TFDP2: variants seen among roughly 807,000 people sequenced by gnomAD.
The protein encoded by TFDP2 is transcription factor Dp-2, also known as transcription factor Dp-2 (E2F dimerization partner 2).
Under a neutral mutation model 59.3 loss-of-function variants are expected in TFDP2, and 17 were observed. That is an observed-to-expected ratio of 0.29 (90% CI 0.20 to 0.43). The LOEUF is 0.43. Ranked by LOEUF, TFDP2 falls within the 20% of genes least tolerant of loss-of-function variation. The pLI is 1.00. For missense variants in TFDP2, 391 were observed against 528.8 expected (o/e 0.74, Z 2.56); for synonymous variants, 180 against 194.7 (o/e 0.92, Z 0.63).
At chr3:142,048,418 A>G (rs1040125143) in intron 3 of TFDP2, among the ~76,000 whole-genome samples, 31 of 139,960 alleles carry the variant, frequency 2.2e-4, no homozygotes, top group African/African-American at 5.0e-4. Flanking sequence ...GTCTTAAGGG[A>G]AAAAAAAAAA....
intron 1 of TFDP2, among the ~76,000 whole-genome samples, chr3:142,104,983 T>C (rs2061429307): frequency 6.6e-6 from 1 of 152,168 alleles, no homozygotes; most frequent in Non-Finnish European, 1.5e-5. Flanking sequence ...CTTAGTTGTG[T>C]GATCCTGAAC....
chr3:142,007,357 C>T lies in TFDP2; in HGVS notation c.83-1813G>A, dbSNP rs192946157. Among the ~76,000 whole-genome samples the T allele has an allele frequency of 3.3e-5, 5 of 152,248 alleles. No homozygotes were observed. In the East Asian group the frequency reaches 9.7e-4, roughly 29 times the overall value. Reference sequence around the variant, plus strand: ...AGCCCTCTTATACGATCATCGAATCCACCCAGTGATCTAATCTAGAAATGA... The same window carrying T: ...AGCCCTCTTATACGATCATCGAATCTACCCAGTGATCTAATCTAGAAATGA... On this transcript the variant is annotated intron_variant, in intron 3 of 12. Coordinates refer to ENST00000489671, the MANE Select transcript of TFDP2 (RefSeq NM_001178139.2).
intron 11 of TFDP2, among the ~76,000 whole-genome samples, chr3:141,957,679 T>G (rs1246762524): frequency 6.6e-6 from 1 of 152,160 alleles, no homozygotes; most frequent in African/African-American, 2.4e-5. Context: ...GAACGAACCT[T>G]GAAACACTAC....
intron 3 of TFDP2, among the ~76,000 whole-genome samples, chr3:142,072,791 AT>A (rs538862176): frequency 7.2e-4 from 110 of 152,328 alleles, no homozygotes; most frequent in African/African-American, 2.6e-3. Context: ...GTCCATACTA[AT>A]CTAAATAAAT....
intron 1 of TFDP2, among the ~76,000 whole-genome samples, chr3:142,107,550 G>A (rs1171703529): frequency 6.6e-6 from 1 of 152,070 alleles, no homozygotes; most frequent in African/African-American, 2.4e-5. Flanking sequence ...TATTTTCATA[G>A]AAAGGGATAA....
chr3:142,012,521 G>T (rs1170100592), intron 3 of TFDP2, among the ~76,000 whole-genome samples: 1 of 152,122 alleles, frequency 6.6e-6, no homozygotes, highest in Non-Finnish European at 1.5e-5. Flanking sequence ...GTGGAGAAAA[G>T]CAAAGACCTA....
chr3:142,112,527 G>A (rs766258703), intron 1 of TFDP2, among the ~76,000 whole-genome samples: 8 of 152,178 alleles, frequency 5.3e-5, no homozygotes, highest in Non-Finnish European at 1.2e-4. Flanking sequence ...GCAGAAAGAC[G>A]TGGTAATAGG....
At chr3:142,097,601 C>G (rs2061200331) in intron 2 of TFDP2, among the ~76,000 whole-genome samples, 4 of 152,102 alleles carry the variant, frequency 2.6e-5, no homozygotes, top group Admixed American at 2.6e-4. Flanking sequence ...GGGAGCATCG[C>G]TTGAGCCCAG....
chr3:142,063,300 CT>C, intron 3 of TFDP2, among the ~76,000 whole-genome samples: 1 of 152,130 alleles, frequency 6.6e-6, no homozygotes, highest in Non-Finnish European at 1.5e-5. Flanking sequence ...TACAATTTCA[CT>C]TAAATCTGAG....
At chr3:142,135,634 T>C (rs2062697822) in intron 1 of TFDP2, among the ~76,000 whole-genome samples, 1 of 152,046 alleles carries the variant, frequency 6.6e-6, no homozygotes, top group African/African-American at 2.4e-5. Context: ...AGTTCCCAAC[T>C]ATAAGGGAGA....
intron 3 of TFDP2, 75 bp from the exon 4 acceptor site, chr3:142,005,619 G>T (rs1016291456): frequency 9.9e-5 from 91 of 916,520 alleles, no homozygotes; most frequent in Non-Finnish European, 1.4e-4. Context: ...CACACCCATG[G>T]TCCTAATTCA....
At chr3:141,996,340 A>G (rs1042646341) in intron 4 of TFDP2, among the ~76,000 whole-genome samples, 2 of 152,196 alleles carry the variant, frequency 1.3e-5, no homozygotes, top group African/African-American at 4.8e-5. Flanking sequence ...CCCTATGTGG[A>G]TAATTGTTGA....
chr3:142,020,043 A>T (rs1433247006), intron 3 of TFDP2, among the ~76,000 whole-genome samples: 2 of 152,196 alleles, frequency 1.3e-5, no homozygotes, highest in African/African-American at 2.4e-5. Flanking sequence ...AGCTTCAAAT[A>T]CAGTACTGAA....
intron 3 of TFDP2, among the ~76,000 whole-genome samples, chr3:142,049,171 T>G (rs1353068605): frequency 2.0e-5 from 3 of 152,146 alleles, no homozygotes; most frequent in Non-Finnish European, 1.5e-5. Context: ...CAAAACCATT[T>G]TAAGTAAACT....
intron 3 of TFDP2, among the ~76,000 whole-genome samples, chr3:142,034,090 CTTTTTTTT>C (rs34769821): frequency 1.4e-4 from 13 of 93,764 alleles, no homozygotes; most frequent in South Asian, 4.2e-4. Flanking sequence ...TTTGCACCAA[CTTTTTTTT>C]TTTTTTTTTT....
intron 3 of TFDP2, 26 bp downstream of exon 3, chr3:142,093,035 G>A: frequency 6.7e-7 from 1 of 1,484,196 alleles, no homozygotes; most frequent in South Asian, 1.3e-5. Flanking sequence ...ACTTAATTCA[G>A]AAAAATTTTA....
intron 5 of TFDP2, 65 bp downstream of exon 5, chr3:141,994,955 T>C (rs988401823): frequency 7.2e-7 from 1 of 1,387,282 alleles, no homozygotes. Flanking sequence ...GAAGACAAGA[T>C]AGTAAGAAAA....
chr3:142,016,532 C>T (rs1189648897), intron 3 of TFDP2, among the ~76,000 whole-genome samples: 1 of 151,742 alleles, frequency 6.6e-6, no homozygotes, highest in Non-Finnish European at 1.5e-5. Context: ...AACTCCTGAC[C>T]TCAAGCGATC....
At chr3:142,032,370 C>G (rs954967749) in intron 3 of TFDP2, among the ~76,000 whole-genome samples, 4 of 152,086 alleles carry the variant, frequency 2.6e-5, no homozygotes, top group Non-Finnish European at 5.9e-5. Flanking sequence ...GCTGGGATTA[C>G]GAGTGTGAGC....
Sources: gnomAD v4.1 joint callset for allele counts (sites outside exome capture counted in the v4.1 genomes callset) on GRCh38, gnomAD v4.1.1 for gene constraint, MANE v1.5 for transcripts, NCBI Gene and HGNC (gene_info 2026-07-23, HGNC 2026-07-21) for gene names.